Variants in INTU observed in about 807,000 individuals in gnomAD.
The protein encoded by INTU is protein inturned.
A neutral mutation model predicts 100.5 loss-of-function variants in INTU; 68 were observed. The observed-to-expected ratio is 0.68, with a 90% CI of 0.56 to 0.83. The LOEUF (loss-of-function observed/expected upper bound fraction) is 0.83, where lower values mean the gene tolerates loss of function less well. Among genes scored for constraint, INTU ranks in the 40% least tolerant of loss-of-function variants. INTU has a pLI of 0.00. For missense variants in INTU, 1,071 were observed against 1,114.7 expected, an observed-to-expected ratio of 0.96 and a Z score of 0.56; for synonymous variants, 357 against 395.7, an observed-to-expected ratio of 0.90 and a Z score of 1.16.
chr4:127,724,730 A>T lies in INTU; in HGVS notation c.*8294A>T, dbSNP rs1222235938. 2 of 152,222 alleles carry T rather than the reference A, an allele frequency of 1.3e-5. No homozygotes were observed. The highest frequency in any genetic ancestry group is 2.9e-5 in the Non-Finnish European group (2 of 68,050). 9.4% of individuals were successfully genotyped at this position (152,222 alleles called of 1,614,324 possible). ...AGCTTTGAATACAAGCTATACCAGCACATCTAAAATCGGTCTCTACATTTT... is the reference window on the plus strand; with the variant it reads ...AGCTTTGAATACAAGCTATACCAGCTCATCTAAAATCGGTCTCTACATTTT... On this transcript the variant is annotated 3_prime_UTR_variant, in exon 16 of 16. Coordinates refer to ENST00000335251, the MANE Select transcript of INTU (RefSeq NM_015693.4).
chr4:127,714,332 C>A (rs994243124), intron 15 of INTU, among the ~76,000 whole-genome samples: 13 of 151,694 alleles, frequency 8.6e-5, no homozygotes, highest in Non-Finnish European at 1.8e-4. Flanking sequence ...TCCAGTTTTT[C>A]TCTTCTTCCC....
intron 6 of INTU, among the ~76,000 whole-genome samples, chr4:127,675,053 C>G (rs1006179919): frequency 1.3e-5 from 2 of 152,138 alleles, no homozygotes; most frequent in Non-Finnish European, 2.9e-5. Context: ...GAGAATGGCC[C>G]TAAAGAGATA....
intron 2 of INTU, 136 bp from the exon 3 acceptor site, chr4:127,656,500 C>G: frequency 3.3e-6 from 2 of 598,486 alleles, no homozygotes; most frequent in Non-Finnish European, 6.1e-6. Context: ...TAAACCTGGA[C>G]AAGTTCCTGC....
At chr4:127,710,806 A>C (rs1721465713) in intron 13 of INTU, 107 bp from the exon 14 acceptor site, 1 of 577,408 alleles carries the variant, frequency 1.7e-6, no homozygotes, top group Non-Finnish European at 2.8e-6. Context: ...CTAATATTAT[A>C]TTGTAGATAA....
At chr4:127,688,453 A>T (rs1396739966) in intron 8 of INTU, among the ~76,000 whole-genome samples, 1 of 152,214 alleles carries the variant, frequency 6.6e-6, no homozygotes, top group Admixed American at 6.5e-5. Flanking sequence ...AGACATTTTC[A>T]TCAGTGTAGA....
chr4:127,687,691 A>G lies in INTU; in HGVS notation c.1273A>G (p.Ile425Val), dbSNP rs757532787. 14 of 1,610,562 alleles carry G rather than the reference A, an allele frequency of 8.7e-6. No individual in the cohort carries two copies. The highest frequency in any genetic ancestry group is 1.1e-5 in the Non-Finnish European group (13 of 1,177,310). ...TTATTTCTCCAGTGCCTTTTGCCAG[A>G]TTGAGAATGTTCCTCGTTTGGATCA... ...YGSLDSAFCQ[I>V]ENVPRLDHFF... Residue 425 changes from isoleucine to valine, a missense_variant, in exon 8 of 16, where the codon ATT (isoleucine) becomes GTT (valine). By Grantham distance (29) the Ile-to-Val change is conservative. Coordinates refer to ENST00000335251, the MANE Select transcript of INTU (RefSeq NM_015693.4).
In INTU at chr4:127,714,707, T is replaced by C. The variant is rs1008037376; in HGVS notation, c.2717+614T>C. On this transcript the variant is annotated intron_variant, in intron 15 of 15. Coordinates refer to ENST00000335251, the MANE Select transcript of INTU (RefSeq NM_015693.4). Reference sequence around the variant, plus strand: ...TCAGTTATTCTCTATATGACTCTTTTATTGTTTATTTTCTTGTCCTTCTCC... The same window carrying C: ...TCAGTTATTCTCTATATGACTCTTTCATTGTTTATTTTCTTGTCCTTCTCC... 3.9e-5 allele frequency among the ~76,000 whole-genome samples: 6 copies of C among 152,146 alleles called. No individual in the cohort carries two copies. In the East Asian group the frequency reaches 5.8e-4, roughly 15 times the overall value.
In INTU at chr4:127,650,767, C is replaced by T. The variant is rs1727821838; in HGVS notation, c.683-5869C>T. ...GGGATGGCTGGGTCAAATGGTATTT[C>T]TAGTTCTAGATCCCTGAGGAATCGC... On this transcript the variant is annotated intron_variant, in intron 2 of 15. Transcript: ENST00000335251. Among the ~76,000 whole-genome samples, 4 of 151,488 alleles carry T rather than the reference C, an allele frequency of 2.6e-5. No homozygotes were observed. The South Asian group carries it at 8.4e-4, about 32-fold the overall frequency.
At chr4:127,709,835 C>G (rs1198113356) in intron 13 of INTU, among the ~76,000 whole-genome samples, 1 of 151,860 alleles carries the variant, frequency 6.6e-6, no homozygotes, top group Non-Finnish European at 1.5e-5. Flanking sequence ...TTCTTTTTTT[C>G]TCAAGTCAAG....
intron 4 of INTU, among the ~76,000 whole-genome samples, chr4:127,665,635 C>G (rs969199295): frequency 9.2e-5 from 14 of 152,062 alleles, no homozygotes; most frequent in Non-Finnish European, 1.6e-4. Flanking sequence ...TTTAACTGTT[C>G]CTGGTCATGT....
intron 8 of INTU, 115 bp downstream of exon 8, chr4:127,687,982 G>C (rs1729911298): frequency 1.7e-5 from 12 of 686,528 alleles, no homozygotes; most frequent in Non-Finnish European, 2.6e-5. Flanking sequence ...AAAAATTAAA[G>C]AGGCAATTGG....
At position 127,713,891 on chromosome 4, in the gene INTU, C is replaced by T. The variant is rs1348540637; in HGVS notation, c.2560-45C>T. Reference sequence around the variant, plus strand: ...ACTCTGTGAAAACATTTTAAAGTAACACTGGTAATACCAGTTAATACTAAC... The same window carrying T: ...ACTCTGTGAAAACATTTTAAAGTAATACTGGTAATACCAGTTAATACTAAC... On this transcript the variant is annotated intron_variant, in intron 14 of 15. Coordinates refer to ENST00000335251, the MANE Select transcript of INTU (RefSeq NM_015693.4). 3 of 1,311,988 alleles carry T rather than the reference C, an allele frequency of 2.3e-6. No individual in the cohort carries two copies. The Admixed American group carries it at 6.1e-5, about 27-fold the overall frequency. The allele number at this position is 1,311,988 out of a possible 1,614,324, so 81.3% of individuals were successfully genotyped here.
chr4:127,644,627 A>G (rs1015395643), intron 2 of INTU, among the ~76,000 whole-genome samples: 4 of 152,176 alleles, frequency 2.6e-5, no homozygotes, highest in Admixed American at 6.5e-5. Context: ...TAAACCCACA[A>G]ATTATTCTGA....
intron 1 of INTU, among the ~76,000 whole-genome samples, chr4:127,640,499 G>A (rs1216480225): frequency 3.0e-5 from 4 of 132,814 alleles, no homozygotes; most frequent in Non-Finnish European, 6.2e-5. Flanking sequence ...CCCACACATC[G>A]CTAGTGAAAA....
intron 3 of INTU, among the ~76,000 whole-genome samples, chr4:127,660,553 C>T (rs919772567): frequency 6.6e-6 from 1 of 152,170 alleles, no homozygotes; most frequent in Non-Finnish European, 1.5e-5. Context: ...AGGATGGTAG[C>T]TAAAGGGGAA....
At chr4:127,687,593 G>C in intron 7 of INTU, 85 bp from the exon 8 acceptor site, 5 of 1,012,594 alleles carry the variant, frequency 4.9e-6, no homozygotes, top group Non-Finnish European at 7.5e-6. Context: ...TATGTAGTTG[G>C]GAAAGATCCA....
Position 127,638,248 on chromosome 4 carries a change from G to T in INTU, c.146+5068G>T, listed in dbSNP as rs538822380. Among the ~76,000 whole-genome samples the T allele has an allele frequency of 1.9e-3, 288 of 152,256 alleles. 2 individuals are homozygous for T. The highest frequency in any genetic ancestry group is 6.4e-3 in the South Asian group (31 of 4,820). On this transcript the variant is annotated intron_variant, in intron 1 of 15. Coordinates refer to ENST00000335251, the MANE Select transcript of INTU (RefSeq NM_015693.4). ...GTGGTTTTTCTCTGTTCCTAGAATT[G>T]TCCTGTTATACCTATTAGCACCACA...
chr4:127,679,192 A>G lies in INTU; in HGVS notation c.1181+4979A>G, dbSNP rs577910247. On this transcript the variant is annotated intron_variant, in intron 6 of 15. Transcript: ENST00000335251. ...CCCCACTGTCAACATTAGACAGATC[A>G]ATGAGACAGAAAGTTAACAAGGATA... Among the ~76,000 whole-genome samples, 47 of 151,670 alleles carry G rather than the reference A, an allele frequency of 3.1e-4. 1 individual carries two copies. In the South Asian group the frequency reaches 5.4e-3, roughly 17 times the overall value.
chr4:127,698,202 C>G (rs1730481191), intron 8 of INTU, among the ~76,000 whole-genome samples: 1 of 152,076 alleles, frequency 6.6e-6, no homozygotes, highest in South Asian at 2.1e-4. Context: ...GGAGTACACA[C>G]CTGTAATCCC....
Sources: gnomAD v4.1 joint callset for allele counts (sites outside exome capture counted in the v4.1 genomes callset) on GRCh38, gnomAD v4.1.1 for gene constraint, MANE v1.5 for transcripts, NCBI Gene and HGNC (gene_info 2026-07-23, HGNC 2026-07-21) for gene names.